Variants in TMEM196 observed in about 807,000 individuals in gnomAD.
TMEM196 encodes the protein transmembrane protein 196.
In TMEM196, 17 loss-of-function variants were observed where a neutral mutation model predicts 20.0. That is an observed-to-expected ratio of 0.85 (90% CI 0.58 to 1.27). The LOEUF (loss-of-function observed/expected upper bound fraction) is 1.27, where lower values mean the gene tolerates loss of function less well. Among genes scored for constraint, TMEM196 ranks in the 50% most tolerant of loss-of-function variants. The pLI, the probability that TMEM196 is intolerant of heterozygous loss-of-function variation, is 0.00. For synonymous variants in TMEM196, 113 were observed against 88.9 expected, an observed-to-expected ratio of 1.27 and a Z score of -1.52; for missense variants, 267 against 223.0, an observed-to-expected ratio of 1.20 and a Z score of -1.26.
intron 1 of TMEM196, among the ~76,000 whole-genome samples, chr7:19,764,325 G>A (rs1347024669): frequency 6.6e-6 from 1 of 152,168 alleles, no homozygotes; most frequent in Non-Finnish European, 1.5e-5. Context: ...GCCTAGCAGG[G>A]TATCAAGAGC....
rs1046976570 is a variant in TMEM196, at chr7:19,736,181, G to A, written c.148-6743C>T. On this transcript the variant is annotated intron_variant, in intron 1 of 4. Coordinates refer to ENST00000405844, the MANE Select transcript of TMEM196 (RefSeq NM_001363562.2). ...AATAACTCTGGAAGCTCTTAGAAAG[G>A]TTATTTCGTGGTTCAACACACAAAA... 3.3e-5 allele frequency among the ~76,000 whole-genome samples: 5 copies of A among 151,582 alleles called. No individual in the cohort carries two copies. In the South Asian group the frequency reaches 6.3e-4, roughly 19 times the overall value.
intron 1 of TMEM196, among the ~76,000 whole-genome samples, chr7:19,740,001 G>T (rs1784532824): frequency 1.3e-5 from 2 of 152,108 alleles, no homozygotes; most frequent in African/African-American, 2.4e-5. Context: ...TGCCTCAGCA[G>T]TCCCACAAGT....
At chr7:19,736,370 T>A (rs1341256220) in intron 1 of TMEM196, among the ~76,000 whole-genome samples, 1 of 40,248 alleles carries the variant, frequency 2.5e-5, no homozygotes, top group Non-Finnish European at 4.3e-5. Context: ...TATATATATA[T>A]ATATATATAT....
intron 1 of TMEM196, among the ~76,000 whole-genome samples, chr7:19,744,149 T>C (rs908439812): frequency 2.0e-5 from 3 of 152,144 alleles, no homozygotes; most frequent in African/African-American, 7.2e-5. Flanking sequence ...TGAATGGTGG[T>C]TTCTGAGCCT....
chr7:19,755,373 A>G (rs1007889315), intron 1 of TMEM196, among the ~76,000 whole-genome samples: 3 of 152,296 alleles, frequency 2.0e-5, no homozygotes, highest in African/African-American at 7.2e-5. Context: ...ATTTCAGTGA[A>G]TGTTTGGTGA....
intron 1 of TMEM196, among the ~76,000 whole-genome samples, chr7:19,730,849 T>C (rs768377234): frequency 6.7e-4 from 102 of 152,258 alleles, no homozygotes; most frequent in Non-Finnish European, 1.3e-3. Context: ...GAACACAGAA[T>C]ATATAAGAAT....
chr7:19,725,846 T>A, intron 2 of TMEM196, 78 bp from the exon 3 acceptor site: 1 of 1,464,712 alleles, frequency 6.8e-7, no homozygotes, highest in Non-Finnish European at 9.1e-7. Flanking sequence ...TCCGGCTGCA[T>A]GTCAAGGATG....
intron 1 of TMEM196, among the ~76,000 whole-genome samples, chr7:19,751,848 T>C (rs908023182): frequency 5.9e-5 from 9 of 152,170 alleles, no homozygotes; most frequent in African/African-American, 2.2e-4. Flanking sequence ...TCCTCATCCA[T>C]GGAGGCAGAT....
chr7:19,759,625 G>A (rs1274998261), intron 1 of TMEM196, among the ~76,000 whole-genome samples: 2 of 151,336 alleles, frequency 1.3e-5, no homozygotes, highest in Non-Finnish European at 3.0e-5. Context: ...TCCTACACCA[G>A]ACACACACAC....
rs534279689 is a variant in TMEM196 at position 19,752,321 on chromosome 7, T to C, written c.147+20229A>G. ...ACTTTTCCTGTGTCTATTACTCTTA[T>C]TACTGTTCTCTCAAAACTCAAAGAC... On this transcript the variant is annotated intron_variant, in intron 1 of 4. Transcript: ENST00000405844. Among the ~76,000 whole-genome samples the C allele has an allele frequency of 2.0e-5, 3 of 152,336 alleles. No individual in the cohort carries two copies. In the East Asian group the frequency reaches 5.8e-4, roughly 29 times the overall value.
intron 1 of TMEM196, among the ~76,000 whole-genome samples, chr7:19,763,700 G>A (rs7812001): frequency 0.19 from 28,453 of 152,018 alleles, 3,135 homozygotes; most frequent in East Asian, 0.47. Context: ...TATAAACGAC[G>A]AATAGAAACC....
intron 1 of TMEM196, among the ~76,000 whole-genome samples, chr7:19,760,022 C>T (rs778890814): frequency 7.2e-5 from 11 of 152,040 alleles, no homozygotes; most frequent in East Asian, 1.9e-4. Context: ...TTTATAATTA[C>T]GGAAAAATCT....
intron 1 of TMEM196, among the ~76,000 whole-genome samples, chr7:19,769,669 A>G (rs754299863): frequency 1.8e-4 from 28 of 152,222 alleles, no homozygotes; most frequent in Middle Eastern, 6.8e-3. Context: ...GCATCCATGA[A>G]TACAAACCAA....
intron 1 of TMEM196, among the ~76,000 whole-genome samples, chr7:19,745,654 A>G (rs1158015291): frequency 6.7e-6 from 1 of 150,354 alleles, no homozygotes; most frequent in East Asian, 1.9e-4. Flanking sequence ...AAAGAAGTAC[A>G]AGAGGAAAAT....
chr7:19,769,286 A>T (rs1785764603), intron 1 of TMEM196, among the ~76,000 whole-genome samples: 1 of 152,068 alleles, frequency 6.6e-6, no homozygotes, highest in Non-Finnish European at 1.5e-5. Context: ...GCATTTCCTT[A>T]GTATCACTTT....
At chr7:19,770,748 A>G (rs1269755703) in intron 1 of TMEM196, among the ~76,000 whole-genome samples, 2 of 152,198 alleles carry the variant, frequency 1.3e-5, no homozygotes, top group Non-Finnish European at 2.9e-5. Flanking sequence ...CTTTTCCATG[A>G]GGTGATTCAA....
In TMEM196 at chr7:19,720,902, C is replaced by A. The variant is rs970174515; in HGVS notation, c.*1226G>T. 2 of 151,864 alleles carry A rather than the reference C, an allele frequency of 1.3e-5. No homozygotes were observed. The highest frequency in any genetic ancestry group is 3.0e-5 in the Non-Finnish European group (2 of 67,790). The allele number at this position is 151,864 out of a possible 1,614,324, so 9.4% of individuals were successfully genotyped here. ...TCATCTGCCCTTTTGTATCATTTAACTGGACTGCAAGGTGTTTGAAATATC... is the reference window on the plus strand; with the variant it reads ...TCATCTGCCCTTTTGTATCATTTAAATGGACTGCAAGGTGTTTGAAATATC... On this transcript the variant is annotated 3_prime_UTR_variant, in exon 5 of 5. Coordinates refer to ENST00000405844, the MANE Select transcript of TMEM196 (RefSeq NM_001363562.2).
chr7:19,734,514 C>A (rs994492817), intron 1 of TMEM196, among the ~76,000 whole-genome samples: 1 of 152,098 alleles, frequency 6.6e-6, no homozygotes, highest in Non-Finnish European at 1.5e-5. Context: ...AATGTAATCA[C>A]AAGGGTCATT....
At chr7:19,734,745 C>T (rs929457159) in intron 1 of TMEM196, among the ~76,000 whole-genome samples, 1 of 152,324 alleles carries the variant, frequency 6.6e-6, no homozygotes, top group African/African-American at 2.4e-5. Flanking sequence ...TAATTTTAGA[C>T]TTCTGCCTCT....
Sources: gnomAD v4.1 joint callset for allele counts (sites outside exome capture counted in the v4.1 genomes callset) on GRCh38, gnomAD v4.1.1 for gene constraint, MANE v1.5 for transcripts, NCBI Gene and HGNC (gene_info 2026-07-23, HGNC 2026-07-21) for gene names.